EARS2: variants seen among roughly 807,000 people sequenced by gnomAD.
EARS2 encodes the protein nondiscriminating glutamyl-tRNA synthetase EARS2, mitochondrial.
In EARS2, 50 loss-of-function variants were observed where a neutral mutation model predicts 54.1. The ratio of observed to expected loss-of-function variants is 0.92; its 90% CI spans 0.74 to 1.17. EARS2 has a LOEUF of 1.17. Ranked by LOEUF, EARS2 falls within the 50% of genes most tolerant of loss-of-function variation. The pLI, the probability that EARS2 is intolerant of heterozygous loss-of-function variation, is 0.00. For synonymous variants in EARS2, 298 were observed against 281.0 expected (o/e 1.06, Z -0.61); for missense variants, 673 against 675.0 (o/e 1.00, Z 0.03).
At position 23,521,547 on chromosome 16, in the gene EARS2, T is replaced by C. The variant is rs1362675121; in HGVS notation, c.*2824A>G. 2.6e-5 allele frequency among the ~76,000 whole-genome samples: 4 copies of C among 152,060 alleles called. No individual in the cohort carries two copies. The East Asian group carries it at 7.7e-4, about 29-fold the overall frequency. On this transcript the variant is annotated 3_prime_UTR_variant, in exon 9 of 9. Transcript: ENST00000449606. ...CCAAGTAGCTGGGACTACAGGCATA[T>C]GTCACCTCACCTGGCTAATTTTTAA...
chr16:23,547,358 AAAC>A (rs1248710088), intron 2 of EARS2, among the ~76,000 whole-genome samples: 1 of 152,186 alleles, frequency 6.6e-6, no homozygotes, highest in Admixed American at 6.5e-5. Context: ...GTAGAATGGA[AAAC>A]AACTGCTAAT....
intron 3 of EARS2, among the ~76,000 whole-genome samples, chr16:23,540,668 T>C (rs1456015190): frequency 6.6e-6 from 1 of 152,360 alleles, no homozygotes; most frequent in East Asian, 1.9e-4. Flanking sequence ...CTGAGCGCAG[T>C]GGCTCATGCC....
In EARS2 at chr16:23,522,561, A is replaced by C; in HGVS notation, c.*1810T>G. ...GAGTTGGTTTCTATTGTTTGCAACCAACGAACTTAATGGATTCTGTATTAG... is the reference window on the plus strand; with the variant it reads ...GAGTTGGTTTCTATTGTTTGCAACCCACGAACTTAATGGATTCTGTATTAG... On this transcript the variant is annotated 3_prime_UTR_variant, in exon 9 of 9. Coordinates refer to ENST00000449606, the MANE Select transcript of EARS2 (RefSeq NM_001083614.2). 1 of 152,124 alleles carries C rather than the reference A, an allele frequency of 6.6e-6. No homozygotes were observed. Among genetic ancestry groups the C allele is most frequent in the African/African-American group, 2.4e-5 (1 of 41,394 alleles). 9.4% of individuals were successfully genotyped at this position (152,124 alleles called of 1,614,324 possible).
intron 8 of EARS2, among the ~76,000 whole-genome samples, 184 bp from the exon 9 acceptor site, chr16:23,524,638 C>A (rs1049902359): frequency 6.6e-6 from 1 of 151,034 alleles, no homozygotes; most frequent in South Asian, 2.1e-4. Context: ...TCTCCTCCAA[C>A]CACCGCCCTT....
At chr16:23,527,655 GC>G (rs999911065) in intron 7 of EARS2, among the ~76,000 whole-genome samples, 1 of 147,130 alleles carries the variant, frequency 6.8e-6, no homozygotes, top group African/African-American at 2.5e-5. Context: ...CCGGATTCAC[GC>G]CATTCTCCTG....
At chr16:23,524,758 T>A (rs1482338978) in intron 8 of EARS2, among the ~76,000 whole-genome samples, 1 of 151,730 alleles carries the variant, frequency 6.6e-6, no homozygotes, top group Non-Finnish European at 1.5e-5. Flanking sequence ...GCAATTCTCG[T>A]GCCTCACCCT....
Position 23,544,655 on chromosome 16 carries a change from T to G in EARS2, c.344A>C (p.Tyr115Ser), listed in dbSNP as rs1433353237. The change falls in exon 3 of 9, where the codon TAC becomes TCC. Residue 115 changes from tyrosine to serine, a missense_variant. Tyr to Ser is a moderately radical substitution (Grantham distance 144). Around this residue, in one of 3 missense-constraint regions of EARS2, gnomAD observed 316 missense variants for 275.2 expected, o/e 1.15. Transcript: ENST00000449606. ...SPRRGGPAGP[Y>S]QQSQRLELYA... ...CAGCTCCAACCGCTGAGATTGCTGG[T>G]AGGGCCCAGCAGGACCGCCCCGGCG... The G allele has an allele frequency of 6.2e-7, 1 of 1,611,044 alleles. No homozygotes were observed. Among genetic ancestry groups the G allele is most frequent in the East Asian group, 2.2e-5 (1 of 44,818 alleles).
At chr16:23,552,398 T>A in intron 1 of EARS2, 94 bp from the exon 2 acceptor site, 1 of 1,405,290 alleles carries the variant, frequency 7.1e-7, no homozygotes, top group South Asian at 1.3e-5. Context: ...AATGTTGCAA[T>A]AAATTTAAAA....
intron 2 of EARS2, among the ~76,000 whole-genome samples, chr16:23,548,368 C>T (rs574390077): frequency 9.8e-5 from 15 of 152,298 alleles, no homozygotes; most frequent in Admixed American, 7.2e-4. Flanking sequence ...CCCTCTGCCT[C>T]GCCAAAACAC....
chr16:23,546,377 C>T lies in EARS2; in HGVS notation c.296-1674G>A, dbSNP rs111315665. ...TGAGCTGAGTGGGCCTGGGTTCAAA[C>T]GTACCAGCCAGCTCAGAGATCTTGG... is the stretch of plus-strand genomic sequence containing the variant. On this transcript the variant is annotated intron_variant, in intron 2 of 8. Coordinates refer to ENST00000449606, the MANE Select transcript of EARS2 (RefSeq NM_001083614.2). 670 of 456,022 alleles carry T rather than the reference C, an allele frequency of 1.5e-3. 8 individuals carry two copies. Among genetic ancestry groups the T allele is most frequent in the South Asian group, 8.0e-3 (515 of 64,564 alleles). The allele number at this position is 456,022 out of a possible 1,614,324, so 28.2% of individuals were successfully genotyped here.
chr16:23,547,436 C>T (rs566637041), intron 2 of EARS2, among the ~76,000 whole-genome samples: 1 of 152,150 alleles, frequency 6.6e-6, no homozygotes, highest in Non-Finnish European at 1.5e-5. Flanking sequence ...TTGCGCAACA[C>T]AGTAAATATA....
At chr16:23,530,780 G>A (rs1394636826) in intron 5 of EARS2, among the ~76,000 whole-genome samples, 2 of 152,128 alleles carry the variant, frequency 1.3e-5, no homozygotes, top group African/African-American at 2.4e-5. Context: ...GGAGGCTGAG[G>A]GGGAAGGATC....
intron 2 of EARS2, among the ~76,000 whole-genome samples, chr16:23,547,887 A>C: frequency 6.6e-6 from 1 of 151,318 alleles, no homozygotes; most frequent in East Asian, 2.0e-4. Flanking sequence ...ATTTGAGCTC[A>C]GGAGTTCGAA....
intron 8 of EARS2, 45 bp from the exon 9 acceptor site, chr16:23,524,499 C>G (rs1170920234): frequency 6.5e-7 from 1 of 1,539,872 alleles, no homozygotes; most frequent in Non-Finnish European, 9.0e-7. Flanking sequence ...CTTAAACAGC[C>G]TAAAGAACTG....
intron 3 of EARS2, among the ~76,000 whole-genome samples, chr16:23,542,713 C>T (rs1221559509): frequency 2.0e-5 from 3 of 152,172 alleles, no homozygotes; most frequent in South Asian, 2.1e-4. Flanking sequence ...CAGTCATTCT[C>T]GCCTTCTGGT....
intron 3 of EARS2, among the ~76,000 whole-genome samples, chr16:23,539,575 G>A (rs9673864): frequency 0.011 from 1,667 of 152,140 alleles, 25 homozygotes; most frequent in African/African-American, 0.037. Context: ...TATTAAACAC[G>A]TTCACCATGA....
At chr16:23,545,154 T>C (rs1167718309) in intron 2 of EARS2, 1 of 156,494 alleles carries the variant, frequency 6.4e-6, no homozygotes, top group Non-Finnish European at 1.4e-5. Context: ...ATGTCCCTTT[T>C]AGAGATGAAA....
At chr16:23,552,016 G>C in intron 2 of EARS2, 133 bp downstream of exon 2, 1 of 1,114,970 alleles carries the variant, frequency 9.0e-7, no homozygotes, top group South Asian at 1.5e-5. Flanking sequence ...ACCCCGGGCA[G>C]GGCAGTACAA....
At chr16:23,547,760 G>C (rs531931479) in intron 2 of EARS2, among the ~76,000 whole-genome samples, 34 of 152,114 alleles carry the variant, frequency 2.2e-4, no homozygotes, top group Admixed American at 1.8e-3. Context: ...GCCCAGACAA[G>C]AGCCACCCCA....
Sources: allele counts gnomAD v4.1 joint callset (sites outside exome capture counted in the v4.1 genomes callset), GRCh38; gene constraint gnomAD v4.1.1; regional missense constraint gnomAD v4.1.1; transcripts MANE v1.5; gene names NCBI Gene and HGNC (gene_info 2026-07-23, HGNC 2026-07-21).